The following ADGRB3 variants were observed in gnomAD, a reference collection of about 807,000 sequenced individuals.
The protein encoded by ADGRB3 is adhesion G protein-coupled receptor B3.
A neutral mutation model predicts 193.4 loss-of-function variants in ADGRB3; 37 were observed. That is an observed-to-expected ratio of 0.19 (90% CI 0.15 to 0.25). The LOEUF (loss-of-function observed/expected upper bound fraction) is 0.25. Among genes scored for constraint, ADGRB3 ranks in the 10% least tolerant of loss-of-function variants. The pLI is 1.00. For synonymous variants in ADGRB3, 690 were observed against 644.2 expected, an observed-to-expected ratio of 1.07 and a Z score of -1.08; for missense variants, 1,637 against 1,852.9, an observed-to-expected ratio of 0.88 and a Z score of 2.14.
At chr6:69,017,295 G>A (rs564978943) in intron 12 of ADGRB3, among the ~76,000 whole-genome samples, 62 of 151,752 alleles carry the variant, frequency 4.1e-4, no homozygotes, top group Middle Eastern at 3.4e-3. Context: ...ATGCCTTTTC[G>A]TCTTCTGCAC....
chr6:69,166,344 TGAA>T (rs1775132165), intron 17 of ADGRB3, among the ~76,000 whole-genome samples: 1 of 152,102 alleles, frequency 6.6e-6, no homozygotes, highest in Non-Finnish European at 1.5e-5. Flanking sequence ...GATCCCCACA[TGAA>T]TAGAGCCTTG....
At chr6:68,745,105 T>A (rs1419545449) in intron 3 of ADGRB3, among the ~76,000 whole-genome samples, 2 of 152,122 alleles carry the variant, frequency 1.3e-5, no homozygotes, top group East Asian at 1.9e-4. Flanking sequence ...ACTACCAGAA[T>A]AATTGAAAGC....
intron 12 of ADGRB3, among the ~76,000 whole-genome samples, chr6:69,016,658 C>T (rs1770100877): frequency 1.3e-5 from 2 of 151,874 alleles, no homozygotes; most frequent in African/African-American, 2.4e-5. Flanking sequence ...AAGAGGAGCA[C>T]TATCTTTTTG....
At position 68,947,820 on chromosome 6, in the gene ADGRB3, T is replaced by C. The variant is rs369163756; in HGVS notation, c.1195+3826T>C. 3.3e-5 allele frequency among the ~76,000 whole-genome samples: 5 copies of C among 152,156 alleles called. No individual in the cohort carries two copies. In the East Asian group the frequency reaches 5.8e-4, roughly 18 times the overall value. ...AGAACCTGATAGGGAGCAAATACTGTGAAAGTATTAGAAGTAGTATGTTAA... is the reference window on the plus strand; with the variant it reads ...AGAACCTGATAGGGAGCAAATACTGCGAAAGTATTAGAAGTAGTATGTTAA... On this transcript the variant is annotated intron_variant, in intron 6 of 31. Coordinates refer to ENST00000370598, the MANE Select transcript of ADGRB3 (RefSeq NM_001704.3).
intron 3 of ADGRB3, among the ~76,000 whole-genome samples, chr6:68,797,304 A>T (rs1321057927): frequency 6.6e-6 from 1 of 152,152 alleles, no homozygotes; most frequent in Non-Finnish European, 1.5e-5. Flanking sequence ...ACATGCAGAA[A>T]TATTTAATTC....
intron 8 of ADGRB3, among the ~76,000 whole-genome samples, chr6:68,962,488 ACT>A (rs1360891074): frequency 1.3e-5 from 2 of 152,088 alleles, no homozygotes; most frequent in Non-Finnish European, 2.9e-5. Context: ...CTTTGATCAG[ACT>A]CTTACAGTTT....
At chr6:68,950,721 A>C (rs1767894071) in intron 6 of ADGRB3, among the ~76,000 whole-genome samples, 1 of 152,152 alleles carries the variant, frequency 6.6e-6, no homozygotes, top group African/African-American at 2.4e-5. Flanking sequence ...TACATCCAGA[A>C]AACATTGTAA....
chr6:68,951,403 T>C (rs1183411243), intron 6 of ADGRB3, among the ~76,000 whole-genome samples: 2 of 152,110 alleles, frequency 1.3e-5, no homozygotes, highest in African/African-American at 4.8e-5. Context: ...TTTATCACGT[T>C]GTCTTCATAA....
intron 17 of ADGRB3, among the ~76,000 whole-genome samples, chr6:69,205,228 C>T (rs1344670943): frequency 6.6e-6 from 1 of 152,042 alleles, no homozygotes; most frequent in Non-Finnish European, 1.5e-5. Context: ...TAACTCAATT[C>T]ACCTGGGGTC....
intron 3 of ADGRB3, among the ~76,000 whole-genome samples, chr6:68,883,409 C>G (rs927566043): frequency 5.3e-5 from 8 of 152,182 alleles, no homozygotes; most frequent in African/African-American, 1.7e-4. Flanking sequence ...CCAGCTGCGG[C>G]AATCAGGTTG....
chr6:68,668,836 T>C (rs9454608), intron 3 of ADGRB3, among the ~76,000 whole-genome samples: 2,055 of 152,058 alleles, frequency 0.014, 54 homozygotes, highest in African/African-American at 0.045. Flanking sequence ...TTTCACTTCT[T>C]ACCCTAAGTA....
chr6:69,060,672 T>C (rs484935), intron 15 of ADGRB3, among the ~76,000 whole-genome samples: 74,841 of 151,966 alleles, frequency 0.49, 20,579 homozygotes, highest in East Asian at 0.96. Flanking sequence ...CAAATGGAAT[T>C]TGAGTGAAGC....
intron 8 of ADGRB3, among the ~76,000 whole-genome samples, chr6:68,968,189 C>A (rs937093071): frequency 1.8e-4 from 28 of 152,090 alleles, no homozygotes; most frequent in Admixed American, 1.8e-3. Flanking sequence ...TGATTTTGAA[C>A]CCATCAGATT....
intron 20 of ADGRB3, among the ~76,000 whole-genome samples, chr6:69,273,633 T>A (rs1767228317): frequency 6.6e-6 from 1 of 152,252 alleles, no homozygotes; most frequent in African/African-American, 2.4e-5. Context: ...ATTTTGGGAA[T>A]GTTTACATGC....
At chr6:68,794,977 T>C (rs1767179045) in intron 3 of ADGRB3, among the ~76,000 whole-genome samples, 1 of 152,102 alleles carries the variant, frequency 6.6e-6, no homozygotes, top group South Asian at 2.1e-4. Flanking sequence ...TATAAATTTT[T>C]ATAAATACTA....
chr6:69,254,386 G>A (rs62406859), intron 20 of ADGRB3, among the ~76,000 whole-genome samples: 7,082 of 152,038 alleles, frequency 0.047, 229 homozygotes, highest in Non-Finnish European at 0.072. Context: ...CACAGTAATC[G>A]CATGAGCATG....
intron 17 of ADGRB3, among the ~76,000 whole-genome samples, chr6:69,210,615 C>T (rs1765643749): frequency 6.6e-6 from 1 of 152,116 alleles, no homozygotes; most frequent in African/African-American, 2.4e-5. Context: ...AACTCCTAGG[C>T]TCAAGTGATC....
intron 24 of ADGRB3, among the ~76,000 whole-genome samples, chr6:69,334,055 A>C (rs986432170): frequency 3.3e-5 from 5 of 151,618 alleles, no homozygotes; most frequent in African/African-American, 1.2e-4. Context: ...CGTCTCATAT[A>C]TAGATTGTTA....
intron 17 of ADGRB3, among the ~76,000 whole-genome samples, chr6:69,125,453 T>C (rs1270459253): frequency 6.6e-6 from 1 of 152,096 alleles, no homozygotes; most frequent in Non-Finnish European, 1.5e-5. Context: ...CTCACGATTG[T>C]GATTAGTGCC....
Sources: allele counts gnomAD v4.1 joint callset (sites outside exome capture counted in the v4.1 genomes callset), GRCh38; gene constraint gnomAD v4.1.1; transcripts MANE v1.5; gene names NCBI Gene and HGNC (gene_info 2026-07-23, HGNC 2026-07-21).